The following MYO3A variants were observed in gnomAD, a reference collection of about 807,000 sequenced individuals.
MYO3A encodes myosin-IIIa.
MYO3A carries 180 observed loss-of-function variants against 192.7 expected under a neutral mutation model. The ratio of observed to expected loss-of-function variants is 0.93; its 90% CI spans 0.83 to 1.06. The LOEUF (loss-of-function observed/expected upper bound fraction) is 1.06, where lower values mean the gene tolerates loss of function less well. Ranked by LOEUF, MYO3A falls within the 50% of genes least tolerant of loss-of-function variation. MYO3A has a pLI of 0.00. For missense variants in MYO3A, 1,896 were observed against 1,905.0 expected (o/e 1.00, Z 0.09); for synonymous variants, 628 against 645.3 (o/e 0.97, Z 0.41).
intron 6 of MYO3A, among the ~76,000 whole-genome samples, chr10:26,013,657 C>T (rs866526940): frequency 2.6e-4 from 39 of 152,066 alleles, no homozygotes; most frequent in African/African-American, 7.7e-4. Context: ...AATACTTACA[C>T]GCTGCTGGTG....
intron 34 of MYO3A, among the ~76,000 whole-genome samples, chr10:26,205,715 C>A (rs11014997): frequency 0.31 from 44,277 of 143,848 alleles, 9,051 homozygotes; most frequent in African/African-American, 0.59. Flanking sequence ...CTCCTGGGTT[C>A]ATGCCATTCT....
intron 4 of MYO3A, among the ~76,000 whole-genome samples, chr10:25,962,282 T>C (rs1361433858): frequency 6.6e-6 from 1 of 152,186 alleles, no homozygotes; most frequent in East Asian, 1.9e-4. Context: ...TTTTTGAGCA[T>C]GAATGATATA....
chr10:26,189,429 AAGAG>A (rs1843020363), intron 31 of MYO3A, among the ~76,000 whole-genome samples: 1 of 152,222 alleles, frequency 6.6e-6, no homozygotes, highest in Admixed American at 6.5e-5. Context: ...TGCTCAATGA[AAGAG>A]AGATCACTGG....
In MYO3A at chr10:26,026,427, A is replaced by C. The variant is rs199541460; in HGVS notation, c.848A>C (p.Gln283Pro). 81 of 1,614,178 alleles carry C rather than the reference A, an allele frequency of 5.0e-5. No individual in the cohort carries two copies. In the East Asian group the frequency reaches 1.8e-3, roughly 36 times the overall value. Residue 283 changes from glutamine to proline, a missense_variant, in exon 10 of 35, where the codon CAG becomes CCG. Transcript: ENST00000642920. ...CGTCCAACAGTGTCAGAACTTTTAC[A>C]GCATAAATTCATTACTCAAATTGAG... ...EKRPTVSELL[Q>P]HKFITQIEGK...
In MYO3A at chr10:26,028,135, A is replaced by G. The variant is rs1842641377; in HGVS notation, c.953+1603A>G. ...ACTATGTGCCAGATTTTGTATTAGG[A>G]CTTCATTATGTTATCTCATGTGATT... On this transcript the variant is annotated intron_variant, in intron 10 of 34. Transcript: ENST00000642920. Among the ~76,000 whole-genome samples, 4 of 152,150 alleles carry G rather than the reference A, an allele frequency of 2.6e-5. No homozygotes were observed. The South Asian group carries it at 8.3e-4, about 32-fold the overall frequency.
At chr10:25,961,040 G>A (rs1837898924) in intron 4 of MYO3A, among the ~76,000 whole-genome samples, 1 of 152,110 alleles carries the variant, frequency 6.6e-6, no homozygotes, top group African/African-American at 2.4e-5. Flanking sequence ...TTTAATTCTT[G>A]TTTGTGTTTG....
chr10:26,118,808 T>G (rs964464643), intron 17 of MYO3A, among the ~76,000 whole-genome samples: 3 of 151,834 alleles, frequency 2.0e-5, no homozygotes, highest in Admixed American at 1.3e-4. Context: ...ATTTTTGTAT[T>G]TTTAGTAGAG....
Position 26,157,487 on chromosome 10 carries a change from C to G in MYO3A, c.2971C>G (p.Arg991Gly). The G allele has an allele frequency of 6.2e-7, 1 of 1,614,016 alleles. No individual in the cohort carries two copies. The highest frequency in any genetic ancestry group is 8.5e-7 in the Non-Finnish European group (1 of 1,179,960). ...AATTCGAAGACTAGGATTCTCCCAT[C>G]GGATACTTTTTGCTAACTTTATAAA... is the stretch of plus-strand genomic sequence containing the variant. ...ARIRRLGFSH[R>G]ILFANFIKRY... The change falls in exon 26 of 35, where the codon CGG becomes GGG. Residue 991 changes from arginine (R) to glycine (G), a missense_variant. Coordinates refer to ENST00000642920, the MANE Select transcript of MYO3A (RefSeq NM_017433.5).
chr10:25,966,607 T>C (rs888289439), intron 4 of MYO3A, among the ~76,000 whole-genome samples: 6 of 152,316 alleles, frequency 3.9e-5, no homozygotes, highest in Admixed American at 6.5e-5. Flanking sequence ...TTAGTACCTT[T>C]ATTCTTTGAA....
chr10:25,947,088 T>TA (rs1836891222), intron 2 of MYO3A, among the ~76,000 whole-genome samples: 1 of 151,938 alleles, frequency 6.6e-6, no homozygotes, highest in Admixed American at 6.6e-5. Context: ...ATATATCCCT[T>TA]AGGCTCTGTT....
intron 10 of MYO3A, among the ~76,000 whole-genome samples, chr10:26,065,593 A>G (rs1176915740): frequency 1.8e-5 from 2 of 111,764 alleles, no homozygotes; most frequent in African/African-American, 5.9e-5. Context: ...TCCAAAAAAA[A>G]AAAAAAAAAA....
chr10:25,952,206 T>C lies in MYO3A; in HGVS notation c.96T>C (p.Tyr32=), dbSNP rs759868158. ...EITETIGKGT[Y]GKVFKVLNKK... ...CTGAGACAATTGGCAAAGGAACTTA[T>C]GGGAAAGTTTTTAAAGTATTGAATA... is the stretch of plus-strand genomic sequence containing the variant. Residue 32 remains tyrosine, a synonymous_variant, in exon 3 of 35, where the codon TAT becomes TAC. Transcript: ENST00000642920. 18 of 1,612,700 alleles carry C rather than the reference T, an allele frequency of 1.1e-5. No homozygotes were observed. In the Admixed American group the frequency reaches 1.7e-4, roughly 15 times the overall value.
At chr10:26,073,009 A>G (rs1360414460) in intron 14 of MYO3A, among the ~76,000 whole-genome samples, 2 of 152,212 alleles carry the variant, frequency 1.3e-5, no homozygotes, top group Non-Finnish European at 2.9e-5. Context: ...AGGAATAAAC[A>G]TTGAGTCCAG....
At chr10:25,966,161 G>T (rs1304455071) in intron 4 of MYO3A, among the ~76,000 whole-genome samples, 2 of 152,094 alleles carry the variant, frequency 1.3e-5, no homozygotes, top group East Asian at 3.9e-4. Flanking sequence ...CCCGCTCCCT[G>T]GTTTCTAAAC....
intron 10 of MYO3A, among the ~76,000 whole-genome samples, chr10:26,034,878 T>C (rs1179661101): frequency 1.3e-5 from 2 of 149,948 alleles, no homozygotes; most frequent in East Asian, 3.9e-4. Context: ...ATTTAATATA[T>C]GTGGACATTT....
intron 4 of MYO3A, among the ~76,000 whole-genome samples, chr10:25,989,637 C>T (rs1252634859): frequency 6.6e-6 from 1 of 152,022 alleles, no homozygotes; most frequent in African/African-American, 2.4e-5. Context: ...TAGAAATGTG[C>T]CTGGCACAAA....
At chr10:26,015,367 T>C (rs1487239528) in intron 6 of MYO3A, among the ~76,000 whole-genome samples, 1 of 152,212 alleles carries the variant, frequency 6.6e-6, no homozygotes, top group Non-Finnish European at 1.5e-5. Flanking sequence ...CAAGATGATT[T>C]TCCTAATCTT....
intron 4 of MYO3A, among the ~76,000 whole-genome samples, chr10:25,956,495 A>ATTTTTTTTT (rs562368305): frequency 5.4e-5 from 7 of 128,838 alleles, no homozygotes; most frequent in Non-Finnish European, 8.2e-5. Context: ...GCCCAGCTAA[A>ATTTTTTTTT]TTTTTTTTTT....
At chr10:25,972,580 C>T (rs1349445428) in intron 4 of MYO3A, among the ~76,000 whole-genome samples, 1 of 151,970 alleles carries the variant, frequency 6.6e-6, no homozygotes, top group Non-Finnish European at 1.5e-5. Context: ...TACTAAGTTC[C>T]CTGGGTGGGG....
Sources: gnomAD v4.1 joint callset for allele counts (sites outside exome capture counted in the v4.1 genomes callset) on GRCh38, gnomAD v4.1.1 for gene constraint, MANE v1.5 for transcripts, NCBI Gene and HGNC (gene_info 2026-07-23, HGNC 2026-07-21) for gene names.